EYS: variants seen among roughly 807,000 people sequenced by gnomAD.
EYS encodes the protein EGF-like photoreceptor maintenance factor, also known as protein eyes shut homolog.
Under a neutral mutation model 282.1 loss-of-function variants are expected in EYS, and 250 were observed. The ratio of observed to expected loss-of-function variants is 0.89; its 90% CI spans 0.80 to 0.98. EYS has a LOEUF of 0.98. Ranked by LOEUF, EYS falls within the 50% of genes least tolerant of loss-of-function variation. The probability of loss-of-function intolerance (pLI) is 0.00; values close to 1 mark genes in which losing one functional copy is unlikely to be tolerated. For synonymous variants in EYS, 1,355 were observed against 1,282.9 expected, an observed-to-expected ratio of 1.06 and a Z score of -1.20; for missense variants, 4,016 against 3,709.0, an observed-to-expected ratio of 1.08 and a Z score of -2.15.
intron 39 of EYS, 130 bp from the exon 40 acceptor site, chr6:63,778,310 TATA>T (rs1389344092): frequency 1.1e-5 from 11 of 981,484 alleles, no homozygotes; most frequent in Non-Finnish European, 1.7e-5. Context: ...TTAAAAGAAA[TATA>T]AGAATACAGA....
At chr6:63,750,330 A>G (rs993382497) in intron 41 of EYS, among the ~76,000 whole-genome samples, 32 of 151,912 alleles carry the variant, frequency 2.1e-4, no homozygotes, top group Non-Finnish European at 4.1e-4. Context: ...ATGCCTTGTA[A>G]TTTTTTGCTT....
Position 63,721,779 on chromosome 6 carries a change from G to A in EYS, c.8252C>T (p.Ser2751Phe). The A allele has an allele frequency of 6.5e-7, 1 of 1,543,396 alleles. No homozygotes were observed. Residue 2751 changes from serine (S) to phenylalanine (F), a missense_variant, in exon 43 of 43, where the codon TCT becomes TTT. Ser to Phe is a radical substitution (Grantham distance 155, BLOSUM62 -2). Transcript: ENST00000503581. ...KAQSGDFLCISLVNSSVQLRY... is the reference protein window; with the variant it reads ...KAQSGDFLCIFLVNSSVQLRY... ...AAGTTGAACGGAACTATTTACTAAA[G>A]AGATGCATAAAAAATCACCTGCAAG...
intron 14 of EYS, among the ~76,000 whole-genome samples, chr6:64,973,390 T>C (rs1361333644): frequency 2.0e-5 from 3 of 152,022 alleles, no homozygotes; most frequent in Non-Finnish European, 4.4e-5. Context: ...TATAAAATCA[T>C]CATAGTCTGT....
At chr6:63,998,117 G>C (rs1767918885) in intron 34 of EYS, among the ~76,000 whole-genome samples, 1 of 152,052 alleles carries the variant, frequency 6.6e-6, no homozygotes, top group African/African-American at 2.4e-5. Context: ...GCATTATAAA[G>C]GGACACAAAA....
intron 33 of EYS, among the ~76,000 whole-genome samples, chr6:64,047,168 T>C (rs1437589982): frequency 6.9e-6 from 1 of 145,978 alleles, no homozygotes; most frequent in African/African-American, 2.6e-5. Context: ...AATTTTAAAG[T>C]GTGTCATTAG....
intron 24 of EYS, among the ~76,000 whole-genome samples, chr6:64,607,309 T>A (rs1356048834): frequency 2.6e-5 from 4 of 151,178 alleles, no homozygotes; most frequent in African/African-American, 9.7e-5. Flanking sequence ...AAAGAAAAAA[T>A]TGAAGGCACT....
intron 35 of EYS, among the ~76,000 whole-genome samples, chr6:63,884,335 A>G (rs1773209191): frequency 6.6e-6 from 1 of 152,164 alleles, no homozygotes; most frequent in South Asian, 2.1e-4. Context: ...TTTTAGATGC[A>G]GCTGTCCTTT....
At chr6:63,840,686 C>A (rs1581879728) in intron 36 of EYS, among the ~76,000 whole-genome samples, 2 of 152,178 alleles carry the variant, frequency 1.3e-5, no homozygotes, top group East Asian at 3.9e-4. Flanking sequence ...AAATTTAAGT[C>A]TTTAATTCAT....
chr6:65,457,134 C>G (rs1007753362), intron 5 of EYS, among the ~76,000 whole-genome samples: 6 of 146,876 alleles, frequency 4.1e-5, no homozygotes, highest in Non-Finnish European at 9.1e-5. Flanking sequence ...GTTGTTTTCT[C>G]TCTTTTGTTG....
chr6:63,822,904 G>A (rs1771361212), intron 36 of EYS, among the ~76,000 whole-genome samples: 1 of 152,048 alleles, frequency 6.6e-6, no homozygotes, highest in African/African-American at 2.4e-5. Flanking sequence ...TTAAATTTTA[G>A]TATTTTATTC....
At chr6:64,885,703 G>A (rs909102802) in intron 19 of EYS, among the ~76,000 whole-genome samples, 3 of 151,728 alleles carry the variant, frequency 2.0e-5, no homozygotes, top group African/African-American at 7.2e-5. Flanking sequence ...TTGTGTATAT[G>A]AGATTTGTTA....
At chr6:65,162,363 G>A (rs1396732848) in intron 12 of EYS, among the ~76,000 whole-genome samples, 1 of 151,230 alleles carries the variant, frequency 6.6e-6, no homozygotes, top group Non-Finnish European at 1.5e-5. Flanking sequence ...GAATGCGTGA[G>A]ATAGAGAGGA....
chr6:64,148,392 G>A (rs951116115), intron 31 of EYS, among the ~76,000 whole-genome samples: 1 of 152,010 alleles, frequency 6.6e-6, no homozygotes, highest in Non-Finnish European at 1.5e-5. Context: ...TCATCTGCTA[G>A]CTCTTTTTCT....
chr6:64,900,708 G>A lies in EYS; in HGVS notation c.2846+1405C>T, dbSNP rs541727129. Among the ~76,000 whole-genome samples, 8 of 152,142 alleles carry A rather than the reference G, an allele frequency of 5.3e-5. No individual in the cohort carries two copies. In the East Asian group the frequency reaches 9.7e-4, roughly 18 times the overall value. On this transcript the variant is annotated intron_variant, in intron 18 of 42. Transcript: ENST00000503581. ...GCCATCTCATGCCAGTTAGAATGGC[G>A]ATCATTAAAAAGTCAGGAAACAACA...
At position 65,351,444 on chromosome 6, in the gene EYS, C is replaced by T. The variant is rs143801093; in HGVS notation, c.1459+2014G>A. ...GTATTACACCACCCATTTTCTAAAA[C>T]ATATATTTGTTATTTTACTGCCATT... On this transcript the variant is annotated intron_variant, in intron 9 of 42. Transcript: ENST00000503581. Among the ~76,000 whole-genome samples the T allele has an allele frequency of 5.7e-4, 86 of 151,844 alleles. 3 individuals carry two copies. The East Asian group carries it at 0.014, about 25-fold the overall frequency.
intron 13 of EYS, among the ~76,000 whole-genome samples, chr6:65,031,215 C>G (rs1405742315): frequency 1.3e-5 from 2 of 150,498 alleles, no homozygotes; most frequent in African/African-American, 2.4e-5. Flanking sequence ...AACACTGGAG[C>G]ACCCAGGTTC....
At chr6:65,643,089 G>A (rs958245938) in intron 1 of EYS, among the ~76,000 whole-genome samples, 4 of 152,194 alleles carry the variant, frequency 2.6e-5, no homozygotes, top group Non-Finnish European at 5.9e-5. Flanking sequence ...CCAAAACATT[G>A]TGAGTGTACT....
At position 64,682,282 on chromosome 6, in the gene EYS, G is replaced by A. The variant is rs139510312; in HGVS notation, c.3444-56037C>T. 1.6e-4 allele frequency among the ~76,000 whole-genome samples: 25 copies of A among 152,202 alleles called. No homozygotes were observed. In the East Asian group the frequency reaches 4.8e-3, roughly 29 times the overall value. Reference sequence around the variant, plus strand: ...ACTCCGGAGGCTGAGGTGGGAGAATGGCGTGAACCTGGGAGGTGGAGTTTG... The same window carrying A: ...ACTCCGGAGGCTGAGGTGGGAGAATAGCGTGAACCTGGGAGGTGGAGTTTG... On this transcript the variant is annotated intron_variant, in intron 22 of 42. Transcript: ENST00000503581.
intron 33 of EYS, among the ~76,000 whole-genome samples, chr6:64,031,694 C>T (rs1769848244): frequency 6.6e-6 from 1 of 152,206 alleles, no homozygotes; most frequent in African/African-American, 2.4e-5. Context: ...CCAATTGACA[C>T]TCTGTTATCT....
Sources: gnomAD v4.1 joint callset for allele counts (sites outside exome capture counted in the v4.1 genomes callset) on GRCh38, gnomAD v4.1.1 for gene constraint, MANE v1.5 for transcripts, NCBI Gene and HGNC (gene_info 2026-07-23, HGNC 2026-07-21) for gene names.